The following ZDHHC2 variants were observed in gnomAD, a reference collection of about 807,000 sequenced individuals.
ZDHHC2 encodes palmitoyltransferase ZDHHC2.
A neutral mutation model predicts 55.6 loss-of-function variants in ZDHHC2; 51 were observed. The ratio of observed to expected loss-of-function variants is 0.92; its 90% CI spans 0.73 to 1.16. The LOEUF is 1.16. ZDHHC2 is among the 50% of genes most tolerant of loss of function. ZDHHC2 has a pLI of 0.00. For synonymous variants in ZDHHC2, 199 were observed against 152.9 expected, an observed-to-expected ratio of 1.30 and a Z score of -2.22; for missense variants, 491 against 442.4, an observed-to-expected ratio of 1.11 and a Z score of -0.99.
chr8:17,156,912 G>T, intron 1 of ZDHHC2, 59 bp downstream of exon 1: 1 of 1,420,294 alleles, frequency 7.0e-7, no homozygotes. Flanking sequence ...CGACTGTCCC[G>T]GGACGCTCAG....
chr8:17,202,366 G>C (rs908000090), intron 6 of ZDHHC2, among the ~76,000 whole-genome samples: 2 of 152,126 alleles, frequency 1.3e-5, no homozygotes, highest in African/African-American at 4.8e-5. Flanking sequence ...AAAAGAGAAA[G>C]AGAGGGCTCA....
At chr8:17,169,188 G>A (rs1401902566) in intron 1 of ZDHHC2, among the ~76,000 whole-genome samples, 1 of 151,710 alleles carries the variant, frequency 6.6e-6, no homozygotes, top group Non-Finnish European at 1.5e-5. Flanking sequence ...CAAATTTGAA[G>A]GTCTCTAGAG....
rs1460713420 is a variant in ZDHHC2 at position 17,209,994 on chromosome 8, A to G, written c.793A>G (p.Ser265Gly). ...TAAGAATGGATTCAGCTTGGGTTTC[A>G]GTAAAAACATGCGACAAGTTTTTGG... Reference protein sequence around the residue: ...TDKNGFSLGFSKNMRQVFGDE... With the variant: ...TDKNGFSLGFGKNMRQVFGDE... Residue 265 changes from serine (S) to glycine (G), a missense_variant, in exon 9 of 13, where the codon AGT becomes GGT. Ser to Gly is a moderately conservative substitution (Grantham distance 56, BLOSUM62 0). Transcript: ENST00000262096. 6.2e-7 allele frequency: 1 copy of G among 1,611,502 alleles called. No homozygotes were observed. Among genetic ancestry groups the G allele is most frequent in the Non-Finnish European group, 8.5e-7 (1 of 1,178,696 alleles).
chr8:17,217,941 A>G (rs1165574438), intron 12 of ZDHHC2, among the ~76,000 whole-genome samples: 2 of 152,248 alleles, frequency 1.3e-5, no homozygotes, highest in Non-Finnish European at 2.9e-5. Context: ...AAAGATAGCA[A>G]GATAACTCTC....
intron 1 of ZDHHC2, among the ~76,000 whole-genome samples, chr8:17,161,894 G>T (rs963596171): frequency 6.6e-5 from 10 of 152,100 alleles, no homozygotes; most frequent in African/African-American, 2.2e-4. Context: ...GAAATTATTA[G>T]TTGTTGGCAA....
Position 17,215,236 on chromosome 8 carries a change from G to T in ZDHHC2, c.951-1G>T. 3 of 1,577,368 alleles carry T rather than the reference G, an allele frequency of 1.9e-6. No homozygotes were observed. Among genetic ancestry groups the T allele is most frequent in the Non-Finnish European group, 2.6e-6 (3 of 1,161,352 alleles). On this transcript the variant is annotated splice_acceptor_variant, in intron 10 of 12. Transcript: ENST00000262096. LOFTEE classifies it high-confidence loss of function. ...TTGATGATTATTCAATTATTATTCAGTCTCGAAAACCATCAGTTTCCTGCA... is the reference window on the plus strand; with the variant it reads ...TTGATGATTATTCAATTATTATTCATTCTCGAAAACCATCAGTTTCCTGCA...
chr8:17,183,394 G>C (rs1009662504), intron 1 of ZDHHC2, among the ~76,000 whole-genome samples: 1 of 152,188 alleles, frequency 6.6e-6, no homozygotes, highest in African/African-American at 2.4e-5. Context: ...AGCCTCTCCT[G>C]TGCCCTCAGA....
chr8:17,193,552 G>A (rs983712823), intron 3 of ZDHHC2, among the ~76,000 whole-genome samples: 2 of 152,200 alleles, frequency 1.3e-5, no homozygotes, highest in Admixed American at 6.5e-5. Flanking sequence ...CCCCATCTGC[G>A]TTTGCTCAAG....
chr8:17,212,974 C>A (rs548171021), intron 10 of ZDHHC2, among the ~76,000 whole-genome samples: 74 of 152,214 alleles, frequency 4.9e-4, no homozygotes, highest in African/African-American at 1.7e-3. Flanking sequence ...GCAGTCCTCT[C>A]ACCTTGGCCT....
chr8:17,196,832 A>G (rs1306891790), intron 4 of ZDHHC2, among the ~76,000 whole-genome samples: 1 of 151,502 alleles, frequency 6.6e-6, no homozygotes, highest in Non-Finnish European at 1.5e-5. Context: ...AATTGCTTGA[A>G]CTCAGGAGGC....
intron 1 of ZDHHC2, among the ~76,000 whole-genome samples, chr8:17,163,853 A>G (rs927095786): frequency 1.3e-5 from 2 of 152,228 alleles, no homozygotes; most frequent in Admixed American, 1.3e-4. Flanking sequence ...ACATATTACC[A>G]TTTAGAAATA....
chr8:17,173,826 A>C (rs1563143999), intron 1 of ZDHHC2, among the ~76,000 whole-genome samples: 3 of 152,156 alleles, frequency 2.0e-5, no homozygotes, highest in Admixed American at 6.5e-5. Flanking sequence ...TTCTTAGGTG[A>C]AAGTCCTGAA....
chr8:17,213,608 T>C (rs553642079), intron 10 of ZDHHC2, among the ~76,000 whole-genome samples: 1 of 152,300 alleles, frequency 6.6e-6, no homozygotes, highest in Non-Finnish European at 1.5e-5. Context: ...CATTCATATA[T>C]GTATATATTG....
intron 1 of ZDHHC2, among the ~76,000 whole-genome samples, chr8:17,176,676 T>C (rs946035581): frequency 3.3e-5 from 5 of 152,076 alleles, no homozygotes; most frequent in African/African-American, 1.2e-4. Context: ...GAGGGTACAA[T>C]GTTAGCTTGG....
chr8:17,194,359 C>G (rs901360155), intron 3 of ZDHHC2, among the ~76,000 whole-genome samples: 3 of 144,264 alleles, frequency 2.1e-5, no homozygotes, highest in Non-Finnish European at 3.0e-5. Context: ...TATATATATA[C>G]AAAATATATA....
chr8:17,159,846 C>T (rs1804247556), intron 1 of ZDHHC2, among the ~76,000 whole-genome samples: 1 of 152,180 alleles, frequency 6.6e-6, no homozygotes. Context: ...ATTCCTCCCC[C>T]TCCATCCTTT....
chr8:17,166,098 A>G (rs144278261), intron 1 of ZDHHC2, among the ~76,000 whole-genome samples: 2 of 152,290 alleles, frequency 1.3e-5, no homozygotes, highest in Middle Eastern at 3.4e-3. Flanking sequence ...GGGTGACATG[A>G]GAATCCACTG....
chr8:17,184,575 G>A (rs1029907092), intron 1 of ZDHHC2, among the ~76,000 whole-genome samples: 2 of 152,224 alleles, frequency 1.3e-5, no homozygotes, highest in African/African-American at 4.8e-5. Context: ...GCTGAAGTGC[G>A]CAATGGAGGC....
intron 1 of ZDHHC2, among the ~76,000 whole-genome samples, chr8:17,179,037 A>C (rs965732241): frequency 7.2e-5 from 11 of 151,978 alleles, no homozygotes; most frequent in African/African-American, 2.7e-4. Flanking sequence ...TGCAGCCTCG[A>C]CCTCCTGTGC....
Sources: gnomAD v4.1 joint callset for allele counts (sites outside exome capture counted in the v4.1 genomes callset) on GRCh38, gnomAD v4.1.1 for gene constraint, MANE v1.5 for transcripts, NCBI Gene and HGNC (gene_info 2026-07-23, HGNC 2026-07-21) for gene names.